The following MED27 variants were observed in gnomAD, a reference collection of about 807,000 sequenced individuals.
MED27 encodes the protein mediator of RNA polymerase II transcription subunit 27.
In MED27, 30 loss-of-function variants were observed where a neutral mutation model predicts 38.2. The observed-to-expected ratio is 0.79, with a 90% confidence interval of 0.59 to 1.07. The LOEUF is 1.07. Ranked by LOEUF, MED27 falls within the 50% of genes least tolerant of loss-of-function variation. The pLI is 0.00. For synonymous variants in MED27, 122 were observed against 153.5 expected (o/e 0.79, Z 1.52); for missense variants, 289 against 397.5 (o/e 0.73, Z 2.32).
intron 6 of MED27, among the ~76,000 whole-genome samples, chr9:131,881,627 C>T (rs940421488): frequency 6.6e-6 from 1 of 152,092 alleles, no homozygotes; most frequent in Non-Finnish European, 1.5e-5. Context: ...TGTCCCTCAC[C>T]CCGTTTCCCC....
intron 6 of MED27, among the ~76,000 whole-genome samples, chr9:131,879,971 C>T (rs1839007450): frequency 6.6e-6 from 1 of 152,234 alleles, no homozygotes; most frequent in Admixed American, 6.5e-5. Flanking sequence ...CTTAACGTCA[C>T]CCCATAAACT....
At chr9:132,011,839 G>C (rs905830780) in intron 3 of MED27, among the ~76,000 whole-genome samples, 4 of 152,112 alleles carry the variant, frequency 2.6e-5, no homozygotes, top group Admixed American at 6.6e-5. Context: ...CTAAGTATAG[G>C]AAATCATTTC....
chr9:131,988,597 A>G (rs1831906591), intron 3 of MED27, among the ~76,000 whole-genome samples: 1 of 152,256 alleles, frequency 6.6e-6, no homozygotes, highest in Non-Finnish European at 1.5e-5. Flanking sequence ...ACAGTAATAT[A>G]ATACATATAA....
chr9:131,941,333 CAT>C (rs1830782054), intron 3 of MED27, among the ~76,000 whole-genome samples: 1 of 152,096 alleles, frequency 6.6e-6, no homozygotes, highest in African/African-American at 2.4e-5. Flanking sequence ...CGGTTCACAA[CAT>C]GAAAAGATTT....
intron 3 of MED27, among the ~76,000 whole-genome samples, chr9:131,952,608 C>T (rs1229925061): frequency 6.6e-6 from 1 of 152,216 alleles, no homozygotes; most frequent in Non-Finnish European, 1.5e-5. Context: ...TGCCCTCTGG[C>T]TGAGTTTGGC....
At chr9:131,976,961 T>G (rs1831621630) in intron 3 of MED27, among the ~76,000 whole-genome samples, 1 of 152,214 alleles carries the variant, frequency 6.6e-6, no homozygotes, top group Non-Finnish European at 1.5e-5. Context: ...AAGATTCTAC[T>G]TGCAGGAGCC....
intron 5 of MED27, among the ~76,000 whole-genome samples, chr9:131,891,051 G>T (rs1170110052): frequency 6.6e-6 from 1 of 152,194 alleles, no homozygotes; most frequent in African/African-American, 2.4e-5. Flanking sequence ...GTAAGGAGAG[G>T]CAAACCCAGG....
At chr9:131,991,870 C>T (rs1231725079) in intron 3 of MED27, among the ~76,000 whole-genome samples, 5 of 152,084 alleles carry the variant, frequency 3.3e-5, no homozygotes, top group South Asian at 4.2e-4. Flanking sequence ...TACAGGCGAG[C>T]GCCACCATGC....
chr9:131,974,495 T>A (rs1831561225), intron 3 of MED27, among the ~76,000 whole-genome samples: 1 of 152,170 alleles, frequency 6.6e-6, no homozygotes. Context: ...TCTGACTATG[T>A]AGATAGTGTT....
chr9:132,021,103 T>C (rs1431518057), intron 2 of MED27, among the ~76,000 whole-genome samples: 1 of 152,216 alleles, frequency 6.6e-6, no homozygotes, highest in Non-Finnish European at 1.5e-5. Context: ...CTTCCCTACA[T>C]ATTAGTGCTC....
intron 3 of MED27, among the ~76,000 whole-genome samples, chr9:132,009,382 C>G (rs908453575): frequency 6.6e-6 from 1 of 152,174 alleles, no homozygotes; most frequent in Non-Finnish European, 1.5e-5. Context: ...CTTCGTGACT[C>G]ATTGCAAATG....
At chr9:131,951,066 C>T (rs1469443476) in intron 3 of MED27, among the ~76,000 whole-genome samples, 2 of 152,142 alleles carry the variant, frequency 1.3e-5, no homozygotes, top group South Asian at 2.1e-4. Flanking sequence ...TGATGACAAA[C>T]GGAAAGTAAC....
chr9:131,912,048 G>C (rs952185222), intron 4 of MED27, among the ~76,000 whole-genome samples: 1 of 152,142 alleles, frequency 6.6e-6, no homozygotes, highest in Non-Finnish European at 1.5e-5. Context: ...AGGCAAGGGG[G>C]CTAAGCCTAC....
chr9:132,016,726 G>A (rs1408436731), intron 2 of MED27, among the ~76,000 whole-genome samples: 1 of 152,140 alleles, frequency 6.6e-6, no homozygotes, highest in African/African-American at 2.4e-5. Flanking sequence ...TATTTACTAG[G>A]GTCCATGCAA....
At chr9:132,032,415 T>G (rs75443981) in intron 2 of MED27, among the ~76,000 whole-genome samples, 2,323 of 152,310 alleles carry the variant, frequency 0.015, 27 homozygotes, top group Non-Finnish European at 0.02. Flanking sequence ...CATTTGATTT[T>G]TTTTTCTTCT....
At chr9:132,023,607 TC>T (rs1832761308) in intron 2 of MED27, among the ~76,000 whole-genome samples, 1 of 152,104 alleles carries the variant, frequency 6.6e-6, no homozygotes, top group African/African-American at 2.4e-5. Context: ...AAACCAACAG[TC>T]TGCTGGGAGA....
chr9:132,021,034 C>A (rs1251014786), intron 2 of MED27, among the ~76,000 whole-genome samples: 1 of 152,204 alleles, frequency 6.6e-6, no homozygotes, highest in Non-Finnish European at 1.5e-5. Context: ...CAAATCAGGG[C>A]TGCGCTTCCT....
Position 131,917,500 on chromosome 9 carries a change from C to G in MED27, c.573+21881G>C, listed in dbSNP as rs1302722207. On this transcript the variant is annotated intron_variant, in intron 4 of 7. Transcript: ENST00000292035. The surrounding 1 kb of genome is among the most constrained non-coding windows in gnomAD (Gnocchi z 4.6). ...GTTTCAAAGCAGGTAGACCAGGAGACCAATGAGACGGCTGGAGCAAGGGTT... is the reference window on the plus strand; with the variant it reads ...GTTTCAAAGCAGGTAGACCAGGAGAGCAATGAGACGGCTGGAGCAAGGGTT... 6.6e-6 allele frequency among the ~76,000 whole-genome samples: 1 copy of G among 151,748 alleles called. No homozygotes were observed. Among genetic ancestry groups the G allele is most frequent in the East Asian group, 1.9e-4 (1 of 5,168 alleles).
intron 2 of MED27, among the ~76,000 whole-genome samples, chr9:132,019,105 C>T (rs998520915): frequency 2.0e-5 from 3 of 152,128 alleles, no homozygotes; most frequent in Non-Finnish European, 4.4e-5. Context: ...CACAAAGCTC[C>T]GGTCTGTACT....
Sources: gnomAD v4.1 joint callset for allele counts (sites outside exome capture counted in the v4.1 genomes callset) on GRCh38, gnomAD v4.1.1 for gene constraint, Gnocchi (gnomAD v3.1) non-coding constraint, MANE v1.5 for transcripts, NCBI Gene and HGNC (gene_info 2026-07-23, HGNC 2026-07-21) for gene names.